The following POLN variants were observed in gnomAD, a reference collection of about 807,000 sequenced individuals.
POLN encodes DNA polymerase nu.
POLN carries 108 observed loss-of-function variants against 113.5 expected under a neutral mutation model. The observed-to-expected ratio is 0.95, with a 90% CI of 0.81 to 1.12. The LOEUF is 1.12. Among genes scored for constraint, POLN ranks in the 50% most tolerant of loss-of-function variants. POLN has a pLI of 0.00. For synonymous variants in POLN, 386 were observed against 391.5 expected (o/e 0.99, Z 0.17); for missense variants, 1,097 against 1,077.1 (o/e 1.02, Z -0.26).
chr4:2,188,753 C>CT (rs35817683), intron 7 of POLN, among the ~76,000 whole-genome samples: 38,784 of 151,986 alleles, frequency 0.26, 7,830 homozygotes, highest in African/African-American at 0.54. Flanking sequence ...ATGCAATCCA[C>CT]CATAACTCCA....
intron 4 of POLN, 50 bp downstream of exon 4, chr4:2,212,997 T>G: frequency 7.5e-7 from 1 of 1,335,612 alleles, no homozygotes. Flanking sequence ...AAGCATCTAT[T>G]GAACAAATAA....
At chr4:2,167,523 C>T (rs571794655) in intron 13 of POLN, among the ~76,000 whole-genome samples, 20 of 152,242 alleles carry the variant, frequency 1.3e-4, no homozygotes, top group African/African-American at 3.9e-4. Flanking sequence ...CTTCAGCCCA[C>T]GAGGAGCATC....
chr4:2,214,169 G>C (rs1270742598), intron 3 of POLN, among the ~76,000 whole-genome samples: 3 of 152,088 alleles, frequency 2.0e-5, no homozygotes, highest in African/African-American at 7.2e-5. Context: ...CCGGGAGGTG[G>C]AGGTTGCAGT....
chr4:2,092,954 C>G (rs1024065621), intron 20 of POLN, among the ~76,000 whole-genome samples: 1 of 152,224 alleles, frequency 6.6e-6, no homozygotes, highest in African/African-American at 2.4e-5. Flanking sequence ...CAAGCCAGAC[C>G]GGAACAATGG....
chr4:2,134,483 G>A (rs1364958711), intron 16 of POLN, among the ~76,000 whole-genome samples: 1 of 152,168 alleles, frequency 6.6e-6, no homozygotes, highest in Non-Finnish European at 1.5e-5. Context: ...ATGAGTGCCT[G>A]TTGCTCCACA....
chr4:2,167,907 A>T (rs1029228734), intron 13 of POLN, among the ~76,000 whole-genome samples: 32 of 150,944 alleles, frequency 2.1e-4, no homozygotes, highest in African/African-American at 4.6e-4. Flanking sequence ...CTCAAAAAAA[A>T]TTTTTTTTTT....
chr4:2,090,194 T>A, intron 20 of POLN: 1 of 904,652 alleles, frequency 1.1e-6, no homozygotes, highest in East Asian at 2.5e-5. Context: ...TACCTTTTGC[T>A]ATCTTTCCTG....
intron 13 of POLN, among the ~76,000 whole-genome samples, chr4:2,166,229 C>T (rs1577735473): frequency 6.6e-6 from 1 of 152,336 alleles, no homozygotes; most frequent in East Asian, 1.9e-4. Flanking sequence ...CCCATCCCTC[C>T]CATTCTTCTC....
intron 23 of POLN, chr4:2,078,779 C>T (rs1451557188): frequency 1.0e-6 from 1 of 985,352 alleles, no homozygotes; most frequent in African/African-American, 1.7e-5. Flanking sequence ...CAGCCAATGG[C>T]TGATGACAGA....
At chr4:2,194,771 A>G (rs1426023224) in intron 6 of POLN, among the ~76,000 whole-genome samples, 1 of 152,122 alleles carries the variant, frequency 6.6e-6, no homozygotes, top group Non-Finnish European at 1.5e-5. Context: ...GTAGTCCTAA[A>G]GTCCTAGCTA....
chr4:2,100,264 T>C (rs1346651500), intron 19 of POLN, among the ~76,000 whole-genome samples: 2 of 152,080 alleles, frequency 1.3e-5, no homozygotes, highest in African/African-American at 4.8e-5. Context: ...GTATTTAAAT[T>C]TTTTGTAACC....
At chr4:2,174,899 T>C in intron 9 of POLN, 148 bp from the exon 10 acceptor site, 1 of 583,094 alleles carries the variant, frequency 1.7e-6, no homozygotes, top group Non-Finnish European at 3.0e-6. Flanking sequence ...CTCAGCGCAC[T>C]GCAACCTCCA....
At chr4:2,212,259 C>T (rs1734011553) in intron 4 of POLN, among the ~76,000 whole-genome samples, 1 of 152,218 alleles carries the variant, frequency 6.6e-6, no homozygotes, top group Non-Finnish European at 1.5e-5. Flanking sequence ...TGTTATAGCC[C>T]TGCCTTTCTG....
chr4:2,106,050 C>T (rs1731058827), intron 19 of POLN, among the ~76,000 whole-genome samples: 2 of 151,298 alleles, frequency 1.3e-5, no homozygotes, highest in South Asian at 4.2e-4. Context: ...CTCCGGTACT[C>T]TTTTTTTTTC....
intron 7 of POLN, among the ~76,000 whole-genome samples, chr4:2,183,747 G>A (rs1733201325): frequency 1.3e-5 from 2 of 152,126 alleles, no homozygotes; most frequent in Admixed American, 6.5e-5. Context: ...AGTGGTGATA[G>A]ATGCACAATT....
chr4:2,081,847 G>A (rs1730429316), intron 21 of POLN, 104 bp from the exon 22 acceptor site: 1 of 912,484 alleles, frequency 1.1e-6, no homozygotes, highest in Non-Finnish European at 1.7e-6. Flanking sequence ...CAGCCGCACT[G>A]CAGTGCAGAC....
chr4:2,118,908 G>C (rs1057460540), intron 19 of POLN, among the ~76,000 whole-genome samples: 1 of 152,238 alleles, frequency 6.6e-6, no homozygotes, highest in Non-Finnish European at 1.5e-5. Context: ...GAGGGAAAGA[G>C]ATGAAGAGGA....
At chr4:2,087,760 T>C (rs1256914714) in intron 20 of POLN, among the ~76,000 whole-genome samples, 1 of 152,190 alleles carries the variant, frequency 6.6e-6, no homozygotes, top group Admixed American at 6.5e-5. Context: ...TTTAGGAATT[T>C]GGGGTTATAT....
chr4:2,089,664 A>G lies in POLN; in HGVS notation c.2066-3920T>C, dbSNP rs539263231. 4.8e-5 allele frequency: 34 copies of G among 711,306 alleles called. No individual in the cohort carries two copies. In the Admixed American group the frequency reaches 9.1e-4, roughly 19 times the overall value. 44.1% of individuals were successfully genotyped at this position (711,306 alleles called of 1,614,324 possible). A position where few individuals can be genotyped will look rare whatever the true frequency, so the allele number is the denominator to read the frequency against. On this transcript the variant is annotated intron_variant, in intron 20 of 25. Coordinates refer to ENST00000511885, the MANE Select transcript of POLN (RefSeq NM_181808.4). ...ACAAAGGATTATCTGAACTTCCTAA[A>G]CTGTCCTGTACTGGAATGTTTTAAA... is the stretch of plus-strand genomic sequence containing the variant.
Sources: gnomAD v4.1 joint callset for allele counts (sites outside exome capture counted in the v4.1 genomes callset) on GRCh38, gnomAD v4.1.1 for gene constraint, MANE v1.5 for transcripts, NCBI Gene and HGNC (gene_info 2026-07-23, HGNC 2026-07-21) for gene names.